Variants in RIPOR3 observed in about 807,000 individuals in gnomAD.
The protein encoded by RIPOR3 is family with sequence similarity 65 member C.
Under a neutral mutation model 114.3 loss-of-function variants are expected in RIPOR3, and 95 were observed. The ratio of observed to expected loss-of-function variants is 0.83; its 90% CI spans 0.70 to 0.99. RIPOR3 has a LOEUF of 0.99. Among genes scored for constraint, RIPOR3 ranks in the 50% least tolerant of loss-of-function variants. The pLI is 0.00. For synonymous variants in RIPOR3, 575 were observed against 543.8 expected, an observed-to-expected ratio of 1.06 and a Z score of -0.80; for missense variants, 1,252 against 1,266.9, an observed-to-expected ratio of 0.99 and a Z score of 0.18.
Position 50,602,270 on chromosome 20 carries a change from G to A in RIPOR3, c.1461C>T (p.Ser487=), listed in dbSNP as rs1456384951. 1.2e-6 allele frequency: 2 copies of A among 1,613,928 alleles called. No individual in the cohort carries two copies. Among genetic ancestry groups the A allele is most frequent in the South Asian group, 1.1e-5 (1 of 91,074 alleles). ...GGESPSLPQG[S]LFHSGTASSS... ...TCGAGGCTGTGCCGCTGTGGAACAG[G>A]GAGCCCTGTGGCAGGCTGGGGCTCT... The change falls in exon 13 of 22, where the codon TCC becomes TCT. Residue 487 remains serine (S), a synonymous_variant. Transcript: ENST00000327979. This position sits in a 1 kb window ranked among gnomAD's most constrained non-coding sequence, Gnocchi z 4.3.
At chr20:50,623,143 C>A (rs2084482880) in intron 2 of RIPOR3, among the ~76,000 whole-genome samples, 1 of 151,798 alleles carries the variant, frequency 6.6e-6, no homozygotes, top group African/African-American at 2.4e-5. Flanking sequence ...CACCTGTAAT[C>A]CCAGCTACTC....
chr20:50,589,999 A>C (rs1162812143), intron 19 of RIPOR3: 1 of 444,380 alleles, frequency 2.3e-6, no homozygotes, highest in African/African-American at 2.0e-5. Flanking sequence ...AATACAATGA[A>C]GAAAGCTATT....
At chr20:50,690,036 T>C (rs1195968128) in intron 1 of RIPOR3, among the ~76,000 whole-genome samples, 1 of 152,202 alleles carries the variant, frequency 6.6e-6, no homozygotes, top group Non-Finnish European at 1.5e-5. Flanking sequence ...CGAGCTGACT[T>C]TATCTGTCTC....
chr20:50,603,760 C>T (rs994626342), intron 12 of RIPOR3, among the ~76,000 whole-genome samples: 9 of 152,302 alleles, frequency 5.9e-5, no homozygotes, highest in African/African-American at 1.4e-4. Context: ...TCTGGGTACA[C>T]GGACACGAAC....
At chr20:50,626,097 C>T (rs997687074) in intron 2 of RIPOR3, among the ~76,000 whole-genome samples, 3 of 152,232 alleles carry the variant, frequency 2.0e-5, no homozygotes, top group African/African-American at 4.8e-5. Flanking sequence ...TCGGCCTGCT[C>T]GGGTTACCAG....
At chr20:50,633,115 A>G (rs2123268113) in intron 1 of RIPOR3, among the ~76,000 whole-genome samples, 1 of 152,312 alleles carries the variant, frequency 6.6e-6, no homozygotes, top group East Asian at 1.9e-4. Context: ...ACAAAAAATT[A>G]GCCAGGCTTG....
chr20:50,594,788 C>T, intron 16 of RIPOR3, 74 bp from the exon 17 acceptor site: 1 of 1,517,374 alleles, frequency 6.6e-7, no homozygotes, highest in Non-Finnish European at 9.0e-7. Context: ...AGGTTTCCCT[C>T]CACTAGGACC....
Position 50,602,918 on chromosome 20 carries a change from C to T in RIPOR3, c.1087-274G>A, listed in dbSNP as rs2083559384. Among the ~76,000 whole-genome samples the T allele has an allele frequency of 6.6e-6, 1 of 152,232 alleles. No individual in the cohort carries two copies. Among genetic ancestry groups the T allele is most frequent in the Non-Finnish European group, 1.5e-5 (1 of 68,034 alleles). On this transcript the variant is annotated intron_variant, in intron 12 of 21. Coordinates refer to ENST00000327979, the MANE Select transcript of RIPOR3 (RefSeq NM_001290268.2). The surrounding 1 kb of genome is among the most constrained non-coding windows in gnomAD (Gnocchi z 4.3). The stretch of plus-strand genomic sequence containing the variant: ...TGGGCTGGGCCCCACGTTCCTGCCT[C>T]AGGGCCTTTGCACTGACTGTGCTCT...
At chr20:50,686,392 A>T (rs944386860) in intron 1 of RIPOR3, among the ~76,000 whole-genome samples, 30 of 151,956 alleles carry the variant, frequency 2.0e-4, no homozygotes, top group African/African-American at 7.3e-4. Flanking sequence ...GCCCAGGGTG[A>T]GTATAGGAGC....
chr20:50,592,955 G>A, intron 18 of RIPOR3, 80 bp downstream of exon 18: 1 of 1,539,312 alleles, frequency 6.5e-7, no homozygotes. Flanking sequence ...TAGTGGTTCT[G>A]AATTATAACC....
intron 1 of RIPOR3, among the ~76,000 whole-genome samples, chr20:50,648,415 A>G (rs888445510): frequency 6.6e-6 from 1 of 151,822 alleles, no homozygotes; most frequent in Admixed American, 6.6e-5. Context: ...TAGAAGTCCA[A>G]ATCAAGGTGT....
intron 1 of RIPOR3, among the ~76,000 whole-genome samples, chr20:50,662,530 A>G (rs917686549): frequency 1.3e-5 from 2 of 152,136 alleles, no homozygotes; most frequent in African/African-American, 4.8e-5. Flanking sequence ...GAGTTGTTGC[A>G]GAGAGTGAGA....
At chr20:50,617,002 C>T (rs569415668) in intron 3 of RIPOR3, among the ~76,000 whole-genome samples, 2 of 152,270 alleles carry the variant, frequency 1.3e-5, no homozygotes, top group Admixed American at 1.3e-4. Context: ...CTTAGCCGGG[C>T]ATGGTGGCAC....
At chr20:50,672,904 C>A (rs373542981) in intron 1 of RIPOR3, among the ~76,000 whole-genome samples, 1 of 152,198 alleles carries the variant, frequency 6.6e-6, no homozygotes, top group African/African-American at 2.4e-5. Flanking sequence ...TCCACAGGTG[C>A]GGGGACTGCT....
At chr20:50,676,835 C>G (rs2086693049) in intron 1 of RIPOR3, among the ~76,000 whole-genome samples, 1 of 41,886 alleles carries the variant, frequency 2.4e-5, no homozygotes, top group African/African-American at 6.4e-5. Context: ...AACTCCTGGG[C>G]TCAAGCAATC....
chr20:50,670,189 C>T (rs1029519263), intron 1 of RIPOR3, among the ~76,000 whole-genome samples: 24 of 149,960 alleles, frequency 1.6e-4, no homozygotes, highest in African/African-American at 4.9e-4. Flanking sequence ...AAGAAGAGGG[C>T]GCTCTGAGCC....
chr20:50,634,330 G>A (rs2084915518), intron 1 of RIPOR3, among the ~76,000 whole-genome samples: 1 of 152,054 alleles, frequency 6.6e-6, no homozygotes, highest in Non-Finnish European at 1.5e-5. Flanking sequence ...TCTTCCACGT[G>A]CCATGGCCAC....
intron 1 of RIPOR3, among the ~76,000 whole-genome samples, chr20:50,651,755 A>T (rs1267985959): frequency 6.6e-6 from 1 of 152,226 alleles, no homozygotes; most frequent in Non-Finnish European, 1.5e-5. Flanking sequence ...AGCTCAAGAA[A>T]CACTGTATAT....
At chr20:50,652,526 G>A (rs1431830580) in intron 1 of RIPOR3, among the ~76,000 whole-genome samples, 2 of 148,092 alleles carry the variant, frequency 1.4e-5, no homozygotes, top group African/African-American at 4.9e-5. Context: ...GGGAGGTGGA[G>A]GTTGCAGTGA....
Sources: allele counts gnomAD v4.1 joint callset (sites outside exome capture counted in the v4.1 genomes callset), GRCh38; gene constraint gnomAD v4.1.1; non-coding constraint Gnocchi (gnomAD v3.1); transcripts MANE v1.5; gene names NCBI Gene and HGNC (gene_info 2026-07-23, HGNC 2026-07-21).